The following INO80D variants were observed in gnomAD, a reference collection of about 807,000 sequenced individuals.
INO80D encodes the protein INO80 complex subunit D.
A neutral mutation model predicts 87.6 loss-of-function variants in INO80D; 21 were observed. The observed-to-expected ratio is 0.24, with a 90% CI of 0.17 to 0.35. The LOEUF is 0.35. INO80D is among the 10% of genes least tolerant of loss of function. The pLI, the probability that INO80D is intolerant of heterozygous loss-of-function variation, is 1.00. For synonymous variants in INO80D, 440 were observed against 491.0 expected (o/e 0.90, Z 1.37); for missense variants, 982 against 1,280.7 (o/e 0.77, Z 3.56).
At chr2:206,073,816 A>G (rs1482820959) in intron 1 of INO80D, among the ~76,000 whole-genome samples, 1 of 152,286 alleles carries the variant, frequency 6.6e-6, no homozygotes, top group East Asian at 1.9e-4. Flanking sequence ...TGCTCAGCCT[A>G]TCACATTTCC....
chr2:206,064,186 T>A (rs1354247729), intron 1 of INO80D, among the ~76,000 whole-genome samples: 1 of 152,176 alleles, frequency 6.6e-6, no homozygotes, highest in Non-Finnish European at 1.5e-5. Context: ...AAAATAATCG[T>A]GGCTTATGAG....
At chr2:206,052,133 G>A (rs1488168287) in intron 4 of INO80D, among the ~76,000 whole-genome samples, 1 of 152,176 alleles carries the variant, frequency 6.6e-6, no homozygotes, top group Non-Finnish European at 1.5e-5. Context: ...CTGAGGAAGA[G>A]GACTTACACA....
chr2:206,084,269 A>ACC (rs1365833364), intron 1 of INO80D, among the ~76,000 whole-genome samples: 45 of 141,938 alleles, frequency 3.2e-4, no homozygotes, highest in East Asian at 1.8e-3. Flanking sequence ...ACACACACAC[A>ACC]CACACCCCAA....
At chr2:206,008,909 G>C (rs1688097442) in intron 9 of INO80D, among the ~76,000 whole-genome samples, 1 of 152,150 alleles carries the variant, frequency 6.6e-6, no homozygotes, top group African/African-American at 2.4e-5. Context: ...TAAAACAAAA[G>C]CTTCATTCTT....
At position 205,995,044 on chromosome 2, in the gene INO80D, G is replaced by A. The variant is rs1055058334; in HGVS notation, c.*9324C>T. 4 of 152,160 alleles carry A rather than the reference G, an allele frequency of 2.6e-5. No individual in the cohort carries two copies. Among genetic ancestry groups the A allele is most frequent in the African/African-American group, 9.7e-5 (4 of 41,444 alleles). 9.4% of individuals were successfully genotyped at this position (152,160 alleles called of 1,614,324 possible). On this transcript the variant is annotated 3_prime_UTR_variant, in exon 11 of 11. Transcript: ENST00000403263. ...TATATTTCCCTGCAGCATGGGAGTA[G>A]TTAACTTCCCCCAGGCAAAATGATC...
intron 5 of INO80D, among the ~76,000 whole-genome samples, chr2:206,030,933 G>C (rs1688746352): frequency 6.6e-6 from 1 of 152,152 alleles, no homozygotes. Flanking sequence ...TCCATGCTAG[G>C]ATGGAAGGAG....
chr2:206,084,270 CACA>C (rs1559470423), intron 1 of INO80D, among the ~76,000 whole-genome samples: 114 of 143,718 alleles, frequency 7.9e-4, no homozygotes, highest in African/African-American at 2.3e-3. Context: ...CACACACACA[CACA>C]CCCCAAAACC....
intron 8 of INO80D, among the ~76,000 whole-genome samples, chr2:206,016,386 C>T (rs938543004): frequency 2.6e-5 from 4 of 152,144 alleles, no homozygotes; most frequent in African/African-American, 4.8e-5. Flanking sequence ...AATGGCTGTA[C>T]CCCCATTGTA....
chr2:206,043,497 C>CT (rs113578836), intron 5 of INO80D, among the ~76,000 whole-genome samples: 10 of 150,242 alleles, frequency 6.7e-5, no homozygotes, highest in African/African-American at 1.7e-4. Flanking sequence ...ATTTCTTTTC[C>CT]TTTTTTTTGA....
intron 4 of INO80D, among the ~76,000 whole-genome samples, chr2:206,051,082 G>A (rs1434170316): frequency 6.6e-6 from 1 of 152,024 alleles, no homozygotes; most frequent in Non-Finnish European, 1.5e-5. Context: ...GAAAATACGG[G>A]TGAATATGTT....
chr2:206,037,434 A>G (rs933128217), intron 5 of INO80D, among the ~76,000 whole-genome samples: 2 of 152,230 alleles, frequency 1.3e-5, no homozygotes, highest in African/African-American at 4.8e-5. Flanking sequence ...TATTAAGAAA[A>G]ATAATGAGTT....
chr2:206,063,111 T>C lies in INO80D; in HGVS notation c.-30+40A>G, dbSNP rs934953024. 4.7e-6 allele frequency: 4 copies of C among 855,156 alleles called. No homozygotes were observed. In the East Asian group the frequency reaches 1.1e-4, roughly 23 times the overall value. 53.0% of individuals were successfully genotyped at this position (855,156 alleles called of 1,614,324 possible). On this transcript the variant is annotated intron_variant, in intron 2 of 10. Transcript: ENST00000403263. The stretch of plus-strand genomic sequence containing the variant: ...CAGAGAGTATAAGGCAGATTTAAGT[T>C]GAGAATTTCACTGAGGGACTTCTGG...
chr2:206,060,035 C>T (rs748663811), intron 3 of INO80D, among the ~76,000 whole-genome samples: 4 of 152,024 alleles, frequency 2.6e-5, no homozygotes, highest in Admixed American at 6.6e-5. Context: ...AAGGATCCAT[C>T]TCCACAAAAA....
chr2:206,058,254 T>C (rs935348699), intron 3 of INO80D, among the ~76,000 whole-genome samples: 3 of 150,114 alleles, frequency 2.0e-5, no homozygotes, highest in African/African-American at 4.9e-5. Flanking sequence ...CCCGTCTCTA[T>C]TAAAAATACA....
intron 3 of INO80D, among the ~76,000 whole-genome samples, chr2:206,060,756 C>T (rs1689668363): frequency 6.6e-6 from 1 of 152,100 alleles, no homozygotes; most frequent in Non-Finnish European, 1.5e-5. Context: ...GACGGGGTTT[C>T]TCCATGTTGG....
At chr2:206,039,856 T>C (rs1345446620) in intron 5 of INO80D, among the ~76,000 whole-genome samples, 2 of 147,626 alleles carry the variant, frequency 1.4e-5, no homozygotes, top group Admixed American at 1.4e-4. Flanking sequence ...AATATTATAA[T>C]GGAATGTTAT....
chr2:206,030,735 G>C (rs1688741275), intron 5 of INO80D, among the ~76,000 whole-genome samples: 1 of 152,168 alleles, frequency 6.6e-6, no homozygotes, highest in African/African-American at 2.4e-5. Context: ...AGGTAAAGCA[G>C]AAGACTTGTA....
chr2:206,084,999 C>G (rs2105918987), intron 1 of INO80D, among the ~76,000 whole-genome samples: 1 of 152,172 alleles, frequency 6.6e-6, no homozygotes, highest in East Asian at 1.9e-4. Flanking sequence ...CGAATGGGCT[C>G]GCGGGGAGTT....
chr2:206,050,922 T>C (rs1689345547), intron 4 of INO80D, among the ~76,000 whole-genome samples: 1 of 151,426 alleles, frequency 6.6e-6, no homozygotes, highest in Non-Finnish European at 1.5e-5. Flanking sequence ...TGAGCCGAGA[T>C]CCCGCCACTG....
Sources: gnomAD v4.1 joint callset for allele counts (sites outside exome capture counted in the v4.1 genomes callset) on GRCh38, gnomAD v4.1.1 for gene constraint, MANE v1.5 for transcripts, NCBI Gene and HGNC (gene_info 2026-07-23, HGNC 2026-07-21) for gene names.